The following MACROD2 variants were observed in gnomAD, a reference collection of about 807,000 sequenced individuals.
MACROD2 encodes mono-ADP ribosylhydrolase 2, also known as ADP-ribose glycohydrolase MACROD2.
Under a neutral mutation model 70.4 loss-of-function variants are expected in MACROD2, and 36 were observed. The observed-to-expected ratio is 0.51, with a 90% CI of 0.39 to 0.68. The LOEUF (loss-of-function observed/expected upper bound fraction) is 0.68. Ranked by LOEUF, MACROD2 falls within the 30% of genes least tolerant of loss-of-function variation. The pLI is 0.00. For synonymous variants in MACROD2, 172 were observed against 178.8 expected, an observed-to-expected ratio of 0.96 and a Z score of 0.30; for missense variants, 496 against 538.4, an observed-to-expected ratio of 0.92 and a Z score of 0.78.
At chr20:14,471,372 A>G (rs990488793) in intron 3 of MACROD2, among the ~76,000 whole-genome samples, 57 of 152,194 alleles carry the variant, frequency 3.7e-4, no homozygotes, top group Admixed American at 2.7e-3. Flanking sequence ...CTATTTGGCC[A>G]TCTTGCCAGC....
rs78385751 is a variant in MACROD2 at position 15,474,746 on chromosome 20, T to G, written c.572-25028T>G. On this transcript the variant is annotated intron_variant, in intron 7 of 17. Coordinates refer to ENST00000684519, the MANE Select transcript of MACROD2 (RefSeq NM_001351661.2). ...TTGTGCAAGAGAAAGTAGTTCGTTC[T>G]TAGGGGTCAGAGTGGGGAGGTTGTC... 5.0e-3 allele frequency among the ~76,000 whole-genome samples: 762 copies of G among 152,310 alleles called. 7 individuals are homozygous for G. The highest frequency in any genetic ancestry group is 0.017 in the African/African-American group (708 of 41,548).
intron 8 of MACROD2, among the ~76,000 whole-genome samples, chr20:15,538,819 T>G (rs1297510327): frequency 1.3e-5 from 2 of 152,102 alleles, no homozygotes; most frequent in African/African-American, 4.8e-5. Flanking sequence ...AGAATATTTA[T>G]AAATAGGAAT....
At chr20:14,415,419 A>G (rs866768402) in intron 3 of MACROD2, among the ~76,000 whole-genome samples, 52 of 152,008 alleles carry the variant, frequency 3.4e-4, no homozygotes, top group African/African-American at 1.2e-3. Context: ...ACCACGGCCA[A>G]TTGTGTGACC....
At chr20:15,271,606 C>G (rs1423781713) in intron 6 of MACROD2, among the ~76,000 whole-genome samples, 1 of 152,166 alleles carries the variant, frequency 6.6e-6, no homozygotes, top group Admixed American at 6.5e-5. Flanking sequence ...AGCTCTTTTC[C>G]TGACATGTAG....
chr20:14,556,804 C>CA (rs1327654455), intron 4 of MACROD2, among the ~76,000 whole-genome samples: 1 of 151,768 alleles, frequency 6.6e-6, no homozygotes, highest in East Asian at 1.9e-4. Flanking sequence ...ACAGAGGAAA[C>CA]AAAGAGAAAA....
At chr20:14,199,950 T>C (rs1367026231) in intron 3 of MACROD2, among the ~76,000 whole-genome samples, 1 of 152,180 alleles carries the variant, frequency 6.6e-6, no homozygotes, top group Non-Finnish European at 1.5e-5. Context: ...TTCTTAGATA[T>C]TATGTAGTTT....
intron 3 of MACROD2, among the ~76,000 whole-genome samples, chr20:14,141,358 T>G (rs1601273818): frequency 6.6e-6 from 1 of 152,212 alleles, no homozygotes; most frequent in East Asian, 1.9e-4. Context: ...TGTTTGAATC[T>G]TAGCTCTGCC....
chr20:15,664,301 G>A (rs1373032727), intron 8 of MACROD2, among the ~76,000 whole-genome samples: 1 of 152,198 alleles, frequency 6.6e-6, no homozygotes, highest in Non-Finnish European at 1.5e-5. Context: ...TAGATTAAAT[G>A]ATCAAAGACA....
chr20:14,738,561 G>C (rs1340638753), intron 5 of MACROD2, among the ~76,000 whole-genome samples: 1 of 152,102 alleles, frequency 6.6e-6, no homozygotes, highest in African/African-American at 2.4e-5. Context: ...TCAGTGCTTA[G>C]AACAGTACTT....
At chr20:16,031,823 G>T (rs1178055014) in intron 15 of MACROD2, among the ~76,000 whole-genome samples, 1 of 152,080 alleles carries the variant, frequency 6.6e-6, no homozygotes, top group Non-Finnish European at 1.5e-5. Context: ...AGACTGCAGA[G>T]AATAGAAAGT....
intron 3 of MACROD2, among the ~76,000 whole-genome samples, chr20:14,243,015 T>C (rs1425915691): frequency 2.0e-5 from 3 of 152,216 alleles, no homozygotes; most frequent in Non-Finnish European, 4.4e-5. Flanking sequence ...AAACTATTCA[T>C]GTCCCCAAAT....
At chr20:16,028,730 T>C (rs1279124811) in intron 15 of MACROD2, among the ~76,000 whole-genome samples, 1 of 152,182 alleles carries the variant, frequency 6.6e-6, no homozygotes, top group Non-Finnish European at 1.5e-5. Context: ...ATTCACTATT[T>C]GACTTTGGAG....
chr20:15,843,682 T>C (rs1027679166), intron 8 of MACROD2, among the ~76,000 whole-genome samples: 1 of 152,128 alleles, frequency 6.6e-6, no homozygotes, highest in Admixed American at 6.6e-5. Flanking sequence ...ATTTCTACCA[T>C]GGGCCCATTT....
intron 5 of MACROD2, among the ~76,000 whole-genome samples, chr20:14,706,328 A>C (rs2071270338): frequency 1.3e-5 from 2 of 150,228 alleles, no homozygotes; most frequent in African/African-American, 4.9e-5. Context: ...AAAAAAAAAA[A>C]TTGGTAGAAG....
chr20:14,258,891 G>A (rs1054214768), intron 3 of MACROD2, among the ~76,000 whole-genome samples: 1 of 152,116 alleles, frequency 6.6e-6, no homozygotes, highest in Non-Finnish European at 1.5e-5. Context: ...TTTGTATAAG[G>A]TAAGAGATGA....
chr20:14,684,091 A>T (rs1464170909), intron 4 of MACROD2, among the ~76,000 whole-genome samples: 3 of 152,178 alleles, frequency 2.0e-5, no homozygotes, highest in African/African-American at 7.2e-5. Context: ...ATGAGACCTG[A>T]GGCTGGTCAC....
intron 3 of MACROD2, among the ~76,000 whole-genome samples, chr20:14,294,653 C>A (rs2082412649): frequency 6.6e-6 from 1 of 151,682 alleles, no homozygotes; most frequent in Admixed American, 6.6e-5. Context: ...ATCATAGAAG[C>A]AAACAACATT....
intron 5 of MACROD2, among the ~76,000 whole-genome samples, chr20:15,132,707 T>C (rs1375467251): frequency 6.6e-6 from 1 of 151,954 alleles, no homozygotes; most frequent in African/African-American, 2.4e-5. Flanking sequence ...ACAACAAATA[T>C]TTGACAAAAT....
chr20:15,494,777 G>GTGCA (rs3071259), intron 7 of MACROD2, among the ~76,000 whole-genome samples: 21 of 115,038 alleles, frequency 1.8e-4, no homozygotes, highest in African/African-American at 9.9e-4. Flanking sequence ...GTGTGTGTGT[G>GTGCA]CGCGCGTGTG....
Sources: gnomAD v4.1 joint callset for allele counts (sites outside exome capture counted in the v4.1 genomes callset) on GRCh38, gnomAD v4.1.1 for gene constraint, MANE v1.5 for transcripts, NCBI Gene and HGNC (gene_info 2026-07-23, HGNC 2026-07-21) for gene names.